CDH4: variants seen among roughly 807,000 people sequenced by gnomAD.
CDH4 encodes the protein cadherin-4.
In CDH4, 33 loss-of-function variants were observed where a neutral mutation model predicts 86.0. The observed-to-expected ratio is 0.38, with a 90% CI of 0.29 to 0.51. The LOEUF is 0.51. Among genes scored for constraint, CDH4 ranks in the 20% least tolerant of loss-of-function variants. The pLI is 0.86. For missense variants in CDH4, 1,114 were observed against 1,307.4 expected (o/e 0.85, Z 2.28); for synonymous variants, 555 against 549.4 (o/e 1.01, Z -0.14).
At position 61,709,070 on chromosome 20, in the gene CDH4, G is replaced by A. The variant is rs1447538814; in HGVS notation, c.170-34493G>A. On this transcript the variant is annotated intron_variant, in intron 2 of 15. Coordinates refer to ENST00000614565, the MANE Select transcript of CDH4 (RefSeq NM_001794.5). The surrounding 1 kb of genome is among the most constrained non-coding windows in gnomAD (Gnocchi z 4.8). ...CAGGCCTGGCTCATGATGGGAGTGT[G>A]GAGGACACTGGCTGAGTTCACATCA... Among the ~76,000 whole-genome samples the A allele has an allele frequency of 1.3e-5, 2 of 152,160 alleles. No homozygotes were observed. Among genetic ancestry groups the A allele is most frequent in the South Asian group, 4.1e-4 (2 of 4,834 alleles).
At chr20:61,506,920 A>C (rs1364009728) in intron 2 of CDH4, among the ~76,000 whole-genome samples, 1 of 152,226 alleles carries the variant, frequency 6.6e-6, no homozygotes, top group African/African-American at 2.4e-5. Context: ...GCAAGGAAAC[A>C]GCAAGGTCCA....
rs927040014 is a variant in CDH4, at chr20:61,743,259, G to A, written c.170-304G>A. Among the ~76,000 whole-genome samples, 37 of 152,222 alleles carry A rather than the reference G, an allele frequency of 2.4e-4. 1 individual carries two copies. Among genetic ancestry groups the A allele is most frequent in the Admixed American group, 2.1e-3 (32 of 15,288 alleles). On this transcript the variant is annotated intron_variant, in intron 2 of 15. Transcript: ENST00000614565. ...ACCCACTGTGCCGCTCACAGACTCCGGCTGAATTCGGAGATAACAGCGGCA... is the reference window on the plus strand; with the variant it reads ...ACCCACTGTGCCGCTCACAGACTCCAGCTGAATTCGGAGATAACAGCGGCA...
intron 4 of CDH4, among the ~76,000 whole-genome samples, chr20:61,793,871 G>A (rs73611576): frequency 0.11 from 15,925 of 147,664 alleles, 885 homozygotes; most frequent in East Asian, 0.18. Flanking sequence ...AGGTACGGTG[G>A]CTCACTCCTG....
chr20:61,555,144 C>T (rs1337447498), intron 2 of CDH4, among the ~76,000 whole-genome samples: 1 of 152,166 alleles, frequency 6.6e-6, no homozygotes, highest in East Asian at 1.9e-4. Context: ...GGCGTGTATA[C>T]AGGGCACATG....
At chr20:61,825,252 AC>A (rs1401465801) in intron 4 of CDH4, among the ~76,000 whole-genome samples, 1 of 152,142 alleles carries the variant, frequency 6.6e-6, no homozygotes, top group East Asian at 1.9e-4. Context: ...ACTAAAAAAT[AC>A]AAAAAATTAG....
chr20:61,918,141 G>A (rs2054926065), intron 9 of CDH4, among the ~76,000 whole-genome samples: 1 of 152,252 alleles, frequency 6.6e-6, no homozygotes, highest in African/African-American at 2.4e-5. Context: ...CGATGTGGGT[G>A]CAGGCAGGTG....
At chr20:61,809,448 C>T (rs532879099) in intron 4 of CDH4, among the ~76,000 whole-genome samples, 1 of 152,324 alleles carries the variant, frequency 6.6e-6, no homozygotes, top group East Asian at 1.9e-4. Flanking sequence ...TTCCCAGTTC[C>T]AAGTATCCTG....
intron 2 of CDH4, among the ~76,000 whole-genome samples, chr20:61,613,566 A>G (rs1568713381): frequency 6.8e-6 from 1 of 146,638 alleles, no homozygotes. Flanking sequence ...TGTGGTTCCA[A>G]AAACAAAATC....
intron 2 of CDH4, among the ~76,000 whole-genome samples, chr20:61,321,068 TG>T (rs1388562148): frequency 6.6e-6 from 1 of 152,122 alleles, no homozygotes; most frequent in Non-Finnish European, 1.5e-5. Context: ...GGGTCCTCGG[TG>T]GGGTGGCATT....
chr20:61,444,483 CTGTG>C (rs1392163698), intron 2 of CDH4, among the ~76,000 whole-genome samples: 2 of 150,814 alleles, frequency 1.3e-5, no homozygotes, highest in African/African-American at 4.9e-5. Context: ...GAGTGTTTCT[CTGTG>C]TGTGTCTGTG....
intron 7 of CDH4, among the ~76,000 whole-genome samples, chr20:61,888,143 A>G (rs764922801): frequency 1.3e-4 from 20 of 152,172 alleles, no homozygotes; most frequent in Non-Finnish European, 2.4e-4. Context: ...GCGGGGACTG[A>G]AGTGAGATGC....
intron 2 of CDH4, among the ~76,000 whole-genome samples, chr20:61,356,939 G>A (rs1209747283): frequency 2.6e-5 from 4 of 152,214 alleles, no homozygotes; most frequent in Non-Finnish European, 5.9e-5. Flanking sequence ...TTGGAAGGAA[G>A]AGATGGATCT....
At chr20:61,371,588 G>C (rs1031640604) in intron 2 of CDH4, among the ~76,000 whole-genome samples, 2 of 152,196 alleles carry the variant, frequency 1.3e-5, no homozygotes, top group African/African-American at 4.8e-5. Flanking sequence ...TTCTGCATTT[G>C]AACAATCCCT....
intron 2 of CDH4, among the ~76,000 whole-genome samples, chr20:61,715,877 G>A (rs1390879431): frequency 2.6e-5 from 4 of 152,196 alleles, no homozygotes; most frequent in Non-Finnish European, 4.4e-5. Flanking sequence ...TTTCTAACAT[G>A]CTCTCAGCAG....
intron 2 of CDH4, among the ~76,000 whole-genome samples, chr20:61,621,874 A>G (rs2086781024): frequency 6.6e-6 from 1 of 152,240 alleles, no homozygotes; most frequent in African/African-American, 2.4e-5. Context: ...GAAGATCCCT[A>G]ATATACATAG....
At chr20:61,837,175 A>ACTCCAGCCT (rs1352209383) in intron 4 of CDH4, among the ~76,000 whole-genome samples, 1 of 152,242 alleles carries the variant, frequency 6.6e-6, no homozygotes, top group African/African-American at 2.4e-5. Flanking sequence ...CCTGGGCGAC[A>ACTCCAGCCT]GAGCAAGACC....
intron 2 of CDH4, among the ~76,000 whole-genome samples, chr20:61,701,008 G>C (rs970266030): frequency 2.6e-5 from 4 of 152,210 alleles, no homozygotes; most frequent in Middle Eastern, 3.2e-3. Flanking sequence ...GTATGCTCTC[G>C]CTGCTCTGGA....
chr20:61,770,153 C>T (rs945695455), intron 3 of CDH4, among the ~76,000 whole-genome samples: 2 of 152,154 alleles, frequency 1.3e-5, no homozygotes, highest in Non-Finnish European at 1.5e-5. Flanking sequence ...GAAAAGCCCC[C>T]GCCCCTTGTC....
At chr20:61,384,838 A>T (rs921178015) in intron 2 of CDH4, among the ~76,000 whole-genome samples, 1 of 152,124 alleles carries the variant, frequency 6.6e-6, no homozygotes, top group African/African-American at 2.4e-5. Context: ...CTTTAAACAT[A>T]ATAAGCATAG....
Sources: allele counts gnomAD v4.1 joint callset (sites outside exome capture counted in the v4.1 genomes callset), GRCh38; gene constraint gnomAD v4.1.1; non-coding constraint Gnocchi (gnomAD v3.1); transcripts MANE v1.5; gene names NCBI Gene and HGNC (gene_info 2026-07-23, HGNC 2026-07-21).